PRKCI: variants seen among roughly 807,000 people sequenced by gnomAD.
The protein encoded by PRKCI is protein kinase C iota, also known as protein kinase C iota type.
PRKCI carries 43 observed loss-of-function variants against 84.0 expected under a neutral mutation model. The ratio of observed to expected loss-of-function variants is 0.51; its 90% CI spans 0.40 to 0.66. PRKCI has a LOEUF of 0.66. Among genes scored for constraint, PRKCI ranks in the 30% least tolerant of loss-of-function variants. The probability of loss-of-function intolerance (pLI) is 0.00; values close to 1 mark genes in which losing one functional copy is unlikely to be tolerated. For synonymous variants in PRKCI, 216 were observed against 234.4 expected, an observed-to-expected ratio of 0.92 and a Z score of 0.72; for missense variants, 459 against 745.6, an observed-to-expected ratio of 0.62 and a Z score of 4.48.
chr3:170,253,845 C>G (rs1230964194), intron 2 of PRKCI, among the ~76,000 whole-genome samples: 1 of 151,438 alleles, frequency 6.6e-6, no homozygotes, highest in Non-Finnish European at 1.5e-5. Context: ...GCTTGTAATC[C>G]CACCACTTTG....
At chr3:170,296,675 A>C in intron 15 of PRKCI, among the ~76,000 whole-genome samples, 1 of 152,198 alleles carries the variant, frequency 6.6e-6, no homozygotes, top group East Asian at 1.9e-4. Flanking sequence ...AAAATGAACA[A>C]TTTATGTGAG....
intron 5 of PRKCI, among the ~76,000 whole-genome samples, chr3:170,268,916 A>T (rs202105425): frequency 1.2e-3 from 157 of 128,322 alleles, no homozygotes; most frequent in African/African-American, 2.7e-3. Flanking sequence ...TTATTTATTT[A>T]TTTTTTTTTT....
chr3:170,289,585 C>G (rs1197746865), intron 12 of PRKCI, among the ~76,000 whole-genome samples: 1 of 152,016 alleles, frequency 6.6e-6, no homozygotes, highest in Non-Finnish European at 1.5e-5. Flanking sequence ...ACCAACCTGG[C>G]CAACATGGCA....
chr3:170,280,492 G>T, intron 9 of PRKCI, 89 bp downstream of exon 9: 1 of 1,241,016 alleles, frequency 8.1e-7, no homozygotes, highest in South Asian at 1.6e-5. Context: ...TTGTCACCCA[G>T]CCTGGAGTGC....
At position 170,290,401 on chromosome 3, in the gene PRKCI, GC is replaced by G. The variant is rs200241415; in HGVS notation, c.1204-1450del. Among the ~76,000 whole-genome samples, 1,071 of 151,958 alleles carry G rather than the reference GC, an allele frequency of 7.0e-3. 8 individuals are homozygous for G. The highest frequency in any genetic ancestry group is 0.027 in the Middle Eastern group (8 of 292). Reference sequence around the variant, plus strand: ...TTTATGACCTAATATATGGCCAGTAGCCCATGTGTACTTAAAAGGATATATA... The same window carrying G: ...TTTATGACCTAATATATGGCCAGTAGCCATGTGTACTTAAAAGGATATATA... On this transcript the variant is annotated intron_variant, in intron 12 of 17. Transcript: ENST00000295797.
At chr3:170,241,596 A>G (rs747958097) in intron 2 of PRKCI, among the ~76,000 whole-genome samples, 4 of 152,024 alleles carry the variant, frequency 2.6e-5, no homozygotes, top group African/African-American at 9.7e-5. Context: ...AATTGTTTCC[A>G]TATCTTAGCT....
At chr3:170,237,053 A>C (rs1188691615) in intron 2 of PRKCI, among the ~76,000 whole-genome samples, 1 of 152,186 alleles carries the variant, frequency 6.6e-6, no homozygotes, top group Non-Finnish European at 1.5e-5. Flanking sequence ...TCTATAATAC[A>C]TCTGCAATGT....
At chr3:170,265,802 G>A (rs888047585) in intron 4 of PRKCI, among the ~76,000 whole-genome samples, 1 of 151,574 alleles carries the variant, frequency 6.6e-6, no homozygotes, top group African/African-American at 2.4e-5. Flanking sequence ...AGTAGAGATG[G>A]GGTTTTGTAT....
chr3:170,264,486 C>T (rs888375381), intron 4 of PRKCI, among the ~76,000 whole-genome samples: 4 of 152,044 alleles, frequency 2.6e-5, no homozygotes, highest in Non-Finnish European at 4.4e-5. Context: ...ACCATGTTGG[C>T]CAGGCCGGTG....
chr3:170,251,940 G>C (rs1046318062), intron 2 of PRKCI, among the ~76,000 whole-genome samples: 9 of 151,694 alleles, frequency 5.9e-5, no homozygotes, highest in African/African-American at 2.2e-4. Context: ...GATTGGCCGG[G>C]TGCGGTGGCT....
At chr3:170,249,365 A>G (rs554734454) in intron 2 of PRKCI, among the ~76,000 whole-genome samples, 1 of 152,082 alleles carries the variant, frequency 6.6e-6, no homozygotes, top group African/African-American at 2.4e-5. Context: ...TAAAACACTC[A>G]TTGGTATCAT....
chr3:170,239,767 G>GT (rs1242616578), intron 2 of PRKCI, among the ~76,000 whole-genome samples: 30 of 149,914 alleles, frequency 2.0e-4, no homozygotes, highest in African/African-American at 7.1e-4. Flanking sequence ...ATGGTAGAGT[G>GT]TAAGCTCCAT....
rs184751663 is a variant in PRKCI, at chr3:170,280,796, T to G, written c.883-370T>G. Among the ~76,000 whole-genome samples, 7 of 152,356 alleles carry G rather than the reference T, an allele frequency of 4.6e-5. No homozygotes were observed. The East Asian group carries it at 7.7e-4, about 17-fold the overall frequency. ...ACCTCTATGTTTGTGCTTTATTATC[T>G]CATTCTGCTTTTCTAAATATGTGCT... On this transcript the variant is annotated intron_variant, in intron 9 of 17. Transcript: ENST00000295797.
At chr3:170,293,778 G>A (rs917210388) in intron 14 of PRKCI, among the ~76,000 whole-genome samples, 1 of 151,864 alleles carries the variant, frequency 6.6e-6, no homozygotes, top group African/African-American at 2.4e-5. Context: ...TCAGCCTCCC[G>A]AGTAACTGGG....
rs759257407 is a variant in PRKCI, at chr3:170,259,965, T to C, written c.224-4T>C. 21 of 1,588,244 alleles carry C rather than the reference T, an allele frequency of 1.3e-5. No individual in the cohort carries two copies. The highest frequency in any genetic ancestry group is 1.3e-4 in the Admixed American group (7 of 55,996). On this transcript the variant is annotated splice_region_variant and splice_polypyrimidine_tract_variant and intron_variant, in intron 2 of 17. Transcript: ENST00000295797. ...GACCTTTACTTTACTTTTGTGTTTT[T>C]TAGGAGACCCGTGTACAGTATCATC...
intron 2 of PRKCI, among the ~76,000 whole-genome samples, chr3:170,257,997 G>A (rs1287280362): frequency 1.3e-5 from 2 of 151,784 alleles, no homozygotes; most frequent in East Asian, 1.9e-4. Flanking sequence ...ACTCAGAAAC[G>A]CCTTTGCCTG....
intron 1 of PRKCI, among the ~76,000 whole-genome samples, chr3:170,227,909 A>G (rs1348891254): frequency 6.6e-6 from 1 of 152,146 alleles, no homozygotes; most frequent in Non-Finnish European, 1.5e-5. Flanking sequence ...TTTTAAGGAG[A>G]GAGAAAAGAG....
chr3:170,278,834 A>G (rs765543094), intron 8 of PRKCI, among the ~76,000 whole-genome samples: 7 of 152,148 alleles, frequency 4.6e-5, no homozygotes, highest in Non-Finnish European at 8.8e-5. Flanking sequence ...CCACATGGCA[A>G]GAGAGGGAGC....
chr3:170,262,343 A>T (rs1386042924), intron 3 of PRKCI, among the ~76,000 whole-genome samples: 1 of 152,010 alleles, frequency 6.6e-6, no homozygotes, highest in Non-Finnish European at 1.5e-5. Context: ...CATTGTGACA[A>T]ACTTGTCCTA....
Sources: allele counts gnomAD v4.1 joint callset (sites outside exome capture counted in the v4.1 genomes callset), GRCh38; gene constraint gnomAD v4.1.1; transcripts MANE v1.5; gene names NCBI Gene and HGNC (gene_info 2026-07-23, HGNC 2026-07-21).